ATRNL1: variants seen among roughly 807,000 people sequenced by gnomAD.
ATRNL1 encodes the protein attractin-like protein 1.
A neutral mutation model predicts 182.7 loss-of-function variants in ATRNL1; 95 were observed. The observed-to-expected ratio is 0.52, with a 90% CI of 0.44 to 0.62. ATRNL1 has a LOEUF of 0.62. Ranked by LOEUF, ATRNL1 falls within the 20% of genes least tolerant of loss-of-function variation. ATRNL1 has a pLI of 0.00. For synonymous variants in ATRNL1, 576 were observed against 568.3 expected, an observed-to-expected ratio of 1.01 and a Z score of -0.19; for missense variants, 1,471 against 1,679.5, an observed-to-expected ratio of 0.88 and a Z score of 2.17.
chr10:115,497,623 A>G (rs1309597806), intron 24 of ATRNL1, among the ~76,000 whole-genome samples: 6 of 151,232 alleles, frequency 4.0e-5, no homozygotes, highest in African/African-American at 1.5e-4. Context: ...CTAATCAGCC[A>G]TCTTGTAAAG....
intron 17 of ATRNL1, among the ~76,000 whole-genome samples, chr10:115,310,016 G>T (rs939296309): frequency 1.2e-4 from 18 of 151,966 alleles, no homozygotes; most frequent in Admixed American, 1.1e-3. Context: ...TTATTTTGTG[G>T]TATGTTCCTT....
chr10:115,415,961 T>C (rs1348630521), intron 20 of ATRNL1, among the ~76,000 whole-genome samples: 1 of 152,074 alleles, frequency 6.6e-6, no homozygotes, highest in Non-Finnish European at 1.5e-5. Context: ...ACTTTGAGTA[T>C]ATTTTATATC....
chr10:115,786,374 A>G (rs1490747499), intron 27 of ATRNL1, among the ~76,000 whole-genome samples: 5 of 152,148 alleles, frequency 3.3e-5, no homozygotes, highest in Non-Finnish European at 7.3e-5. Flanking sequence ...TGGAGGCCAG[A>G]AGTCTGAAAT....
chr10:115,154,321 C>G (rs1846392121), intron 5 of ATRNL1, among the ~76,000 whole-genome samples: 1 of 151,998 alleles, frequency 6.6e-6, no homozygotes, highest in South Asian at 2.1e-4. Flanking sequence ...GTTAAAGTCT[C>G]CCATTATTAT....
intron 26 of ATRNL1, among the ~76,000 whole-genome samples, chr10:115,690,861 GT>G (rs1323486636): frequency 6.6e-6 from 1 of 152,138 alleles, no homozygotes; most frequent in East Asian, 1.9e-4. Flanking sequence ...TAGCGTCAGG[GT>G]TTCTGTGGGC....
At chr10:115,444,442 T>G (rs1846856912) in intron 21 of ATRNL1, among the ~76,000 whole-genome samples, 1 of 152,066 alleles carries the variant, frequency 6.6e-6, no homozygotes, top group Non-Finnish European at 1.5e-5. Flanking sequence ...TGTTTATTAT[T>G]TAATAGCTTT....
intron 26 of ATRNL1, among the ~76,000 whole-genome samples, chr10:115,622,390 C>T (rs1555023249): frequency 6.6e-6 from 1 of 152,190 alleles, no homozygotes; most frequent in Non-Finnish European, 1.5e-5. Context: ...GCTAGCTATC[C>T]TGTAACTCAT....
chr10:115,394,415 C>G (rs1047969347), intron 19 of ATRNL1, among the ~76,000 whole-genome samples: 8 of 151,906 alleles, frequency 5.3e-5, no homozygotes, highest in Non-Finnish European at 1.2e-4. Context: ...AATTAGATAA[C>G]AGTTATATCC....
intron 27 of ATRNL1, among the ~76,000 whole-genome samples, chr10:115,803,557 A>C (rs1488915006): frequency 6.6e-6 from 1 of 151,064 alleles, no homozygotes; most frequent in Non-Finnish European, 1.5e-5. Flanking sequence ...AGGAAACTTT[A>C]TTCTTGCATA....
chr10:115,096,845 A>T, intron 1 of ATRNL1: 1 of 1,117,430 alleles, frequency 8.9e-7, no homozygotes, highest in Non-Finnish European at 1.1e-6. Context: ...CACAGGTAAA[A>T]CAAAAGGAAC....
At chr10:115,824,366 G>T (rs182399796) in intron 27 of ATRNL1, among the ~76,000 whole-genome samples, 1 of 152,102 alleles carries the variant, frequency 6.6e-6, no homozygotes, top group Admixed American at 6.6e-5. Flanking sequence ...ACATAGGCAT[G>T]GGCAAGGACT....
At chr10:115,171,637 A>G (rs530282451) in intron 8 of ATRNL1, among the ~76,000 whole-genome samples, 8 of 152,066 alleles carry the variant, frequency 5.3e-5, no homozygotes, top group South Asian at 2.1e-4. Flanking sequence ...TTTACTATGC[A>G]TTGCATGGTT....
chr10:115,203,267 G>A (rs1273338148), intron 8 of ATRNL1, among the ~76,000 whole-genome samples: 1 of 152,060 alleles, frequency 6.6e-6, no homozygotes, highest in Non-Finnish European at 1.5e-5. Flanking sequence ...GTAAACAAGC[G>A]AAACTTCAAA....
rs1433098313 is a variant in ATRNL1, at chr10:115,630,871, CACAT to C, written c.3795+81336_3795+81339del. ...ACACACACACACACACACACACACA[CACAT>C]TGGAATTTTTTCAGCCTTAAAAAAG... On this transcript the variant is annotated intron_variant, in intron 26 of 28. Coordinates refer to ENST00000355044, the MANE Select transcript of ATRNL1 (RefSeq NM_207303.4). Among the ~76,000 whole-genome samples, 158 of 128,756 alleles carry C rather than the reference CACAT, an allele frequency of 1.2e-3. No homozygotes were observed. The East Asian group carries it at 0.019, about 15-fold the overall frequency. 84.5% of individuals were successfully genotyped at this position (128,756 alleles called of 152,430 possible).
chr10:115,173,466 A>G (rs1847371880), intron 8 of ATRNL1, among the ~76,000 whole-genome samples: 1 of 151,978 alleles, frequency 6.6e-6, no homozygotes, highest in Non-Finnish European at 1.5e-5. Context: ...GTTTGATATT[A>G]TTTATTTATA....
intron 26 of ATRNL1, among the ~76,000 whole-genome samples, chr10:115,614,356 GTT>G (rs1555020064): frequency 6.6e-6 from 1 of 151,750 alleles, no homozygotes; most frequent in Non-Finnish European, 1.5e-5. Flanking sequence ...TTTGTTTCTA[GTT>G]TTACTCCTTT....
chr10:115,534,390 G>T (rs11511301), intron 25 of ATRNL1, among the ~76,000 whole-genome samples: 1 of 147,108 alleles, frequency 6.8e-6, no homozygotes, highest in Non-Finnish European at 1.5e-5. Flanking sequence ...ATCTTTGTTG[G>T]TTTAAAGTCT....
chr10:115,577,009 C>T (rs1160595229), intron 26 of ATRNL1, among the ~76,000 whole-genome samples: 2 of 151,472 alleles, frequency 1.3e-5, no homozygotes, highest in African/African-American at 4.8e-5. Flanking sequence ...CTATTGTGTC[C>T]TCTTGGTGGC....
chr10:115,767,360 AT>A (rs151277889), intron 27 of ATRNL1, among the ~76,000 whole-genome samples: 1,531 of 151,878 alleles, frequency 0.01, 18 homozygotes, highest in African/African-American at 0.033. Context: ...CAATGCCATC[AT>A]TTTTTCTAGT....
Sources: allele counts gnomAD v4.1 joint callset (sites outside exome capture counted in the v4.1 genomes callset), GRCh38; gene constraint gnomAD v4.1.1; transcripts MANE v1.5; gene names NCBI Gene and HGNC (gene_info 2026-07-23, HGNC 2026-07-21).